The following TAFA4 variants were observed in gnomAD, a reference collection of about 807,000 sequenced individuals.
The protein encoded by TAFA4 is TAFA chemokine like family member 4, also known as chemokine-like protein TAFA-4.
Under a neutral mutation model 21.1 loss-of-function variants are expected in TAFA4, and 20 were observed. That is an observed-to-expected ratio of 0.95 (90% CI 0.67 to 1.38). The LOEUF is 1.38. Among genes scored for constraint, TAFA4 ranks in the 40% most tolerant of loss-of-function variants. The pLI, the probability that TAFA4 is intolerant of heterozygous loss-of-function variation, is 0.00. For synonymous variants in TAFA4, 71 were observed against 67.4 expected, an observed-to-expected ratio of 1.05 and a Z score of -0.26; for missense variants, 211 against 180.9, an observed-to-expected ratio of 1.17 and a Z score of -0.95.
intron 3 of TAFA4, among the ~76,000 whole-genome samples, chr3:68,821,047 A>T (rs1242723724): frequency 6.6e-6 from 1 of 152,250 alleles, no homozygotes; most frequent in Non-Finnish European, 1.5e-5. Context: ...GCATTCTGTA[A>T]ATCATTTTAG....
intron 3 of TAFA4, among the ~76,000 whole-genome samples, chr3:68,874,734 T>C (rs1468679127): frequency 2.6e-5 from 4 of 151,940 alleles, no homozygotes; most frequent in Non-Finnish European, 5.9e-5. Context: ...CACAAGCTCA[T>C]TTGAGGAACT....
chr3:68,880,223 T>A (rs986399641), intron 3 of TAFA4, among the ~76,000 whole-genome samples: 25 of 152,220 alleles, frequency 1.6e-4, no homozygotes, highest in Non-Finnish European at 3.4e-4. Flanking sequence ...TTACAAAAGT[T>A]ACCACAGCTT....
chr3:68,877,506 T>C (rs1232618287), intron 3 of TAFA4, among the ~76,000 whole-genome samples: 1 of 152,152 alleles, frequency 6.6e-6, no homozygotes, highest in East Asian at 1.9e-4. Context: ...TCACAATTCT[T>C]GACATCTAAC....
chr3:68,849,573 A>G (rs1395119591), intron 3 of TAFA4, among the ~76,000 whole-genome samples: 1 of 152,128 alleles, frequency 6.6e-6, no homozygotes, highest in Non-Finnish European at 1.5e-5. Flanking sequence ...GCCATCTTGG[A>G]CCCTTCGGAC....
intron 1 of TAFA4, among the ~76,000 whole-genome samples, chr3:68,907,464 T>C (rs1280001199): frequency 1.3e-5 from 2 of 152,198 alleles, no homozygotes; most frequent in Non-Finnish European, 2.9e-5. Context: ...AAAAGGGCTA[T>C]TTTTGTTATG....
At chr3:68,820,407 G>C (rs375552103) in intron 3 of TAFA4, among the ~76,000 whole-genome samples, 4 of 152,082 alleles carry the variant, frequency 2.6e-5, no homozygotes, top group Non-Finnish European at 4.4e-5. Context: ...GGCTGGGCAC[G>C]GTAGCTGACG....
chr3:68,817,823 A>G (rs1704022950), intron 3 of TAFA4, among the ~76,000 whole-genome samples: 1 of 152,116 alleles, frequency 6.6e-6, no homozygotes, highest in Admixed American at 6.5e-5. Context: ...CCATACTATA[A>G]AGATATGTGC....
chr3:68,865,540 C>A (rs368551828), intron 3 of TAFA4, among the ~76,000 whole-genome samples: 1 of 152,108 alleles, frequency 6.6e-6, no homozygotes, highest in Non-Finnish European at 1.5e-5. Flanking sequence ...TGCCTTTTCT[C>A]CTCCTTTGCC....
intron 3 of TAFA4, among the ~76,000 whole-genome samples, chr3:68,773,318 G>T (rs1224036690): frequency 6.6e-6 from 1 of 152,122 alleles, no homozygotes; most frequent in East Asian, 1.9e-4. Flanking sequence ...ATCAGGCAAG[G>T]TCTGGAAGGG....
chr3:68,815,738 T>C (rs1703959186), intron 3 of TAFA4, among the ~76,000 whole-genome samples: 1 of 152,168 alleles, frequency 6.6e-6, no homozygotes, highest in South Asian at 2.1e-4. Flanking sequence ...AGTTCAACCA[T>C]TGTGGAAGTC....
intron 1 of TAFA4, among the ~76,000 whole-genome samples, chr3:68,901,185 A>C (rs1167633957): frequency 6.6e-6 from 1 of 152,132 alleles, no homozygotes; most frequent in African/African-American, 2.4e-5. Context: ...GATGCACACA[A>C]AACAGAAATA....
chr3:68,778,196 T>A (rs1329127157), intron 3 of TAFA4, among the ~76,000 whole-genome samples: 1 of 152,088 alleles, frequency 6.6e-6, no homozygotes, highest in Non-Finnish European at 1.5e-5. Context: ...AGCAAAAGAA[T>A]GAAAAATATA....
chr3:68,827,739 T>C (rs1440035814), intron 3 of TAFA4, among the ~76,000 whole-genome samples: 1 of 152,212 alleles, frequency 6.6e-6, no homozygotes, highest in Non-Finnish European at 1.5e-5. Flanking sequence ...GGTTGTTTTT[T>C]TCTTTTAAAT....
At chr3:68,812,738 A>G (rs1373637853) in intron 3 of TAFA4, among the ~76,000 whole-genome samples, 2 of 152,144 alleles carry the variant, frequency 1.3e-5, no homozygotes, top group Non-Finnish European at 2.9e-5. Context: ...AGACTTTAAC[A>G]CCCGGCTGTC....
intron 1 of TAFA4, among the ~76,000 whole-genome samples, chr3:68,927,929 T>C (rs1187790242): frequency 6.6e-6 from 1 of 152,000 alleles, no homozygotes; most frequent in Non-Finnish European, 1.5e-5. Context: ...CAATGATATC[T>C]TCCTATTTTT....
intron 3 of TAFA4, among the ~76,000 whole-genome samples, chr3:68,873,449 A>G (rs2089512129): frequency 6.6e-6 from 1 of 151,874 alleles, no homozygotes; most frequent in South Asian, 2.1e-4. Flanking sequence ...CCTGAAAGCA[A>G]CTAACTAGAC....
At chr3:68,838,608 C>T (rs974266345) in intron 3 of TAFA4, among the ~76,000 whole-genome samples, 12 of 152,120 alleles carry the variant, frequency 7.9e-5, no homozygotes, top group South Asian at 2.1e-4. Context: ...TTAGGGTTTG[C>T]GGGCCATGTA....
At chr3:68,906,652 A>C (rs1394714994) in intron 1 of TAFA4, among the ~76,000 whole-genome samples, 1 of 152,106 alleles carries the variant, frequency 6.6e-6, no homozygotes, top group African/African-American at 2.4e-5. Flanking sequence ...CAGAGAGTGG[A>C]CTTTCCAAGG....
At position 68,917,647 on chromosome 3, in the gene TAFA4, G is replaced by A. The variant is rs549082538; in HGVS notation, c.-123+14593C>T. ...CACATTCCTGTAATCCCAGCTACTC[G>A]GGAGGCTGAGGCAGGAGAATCACTT... On this transcript the variant is annotated intron_variant, in intron 1 of 5. Transcript: ENST00000295569. Among the ~76,000 whole-genome samples, 27 of 151,536 alleles carry A rather than the reference G, an allele frequency of 1.8e-4. No individual in the cohort carries two copies. The East Asian group carries it at 2.3e-3, about 13-fold the overall frequency.
Sources: allele counts gnomAD v4.1 joint callset (sites outside exome capture counted in the v4.1 genomes callset), GRCh38; gene constraint gnomAD v4.1.1; transcripts MANE v1.5; gene names NCBI Gene and HGNC (gene_info 2026-07-23, HGNC 2026-07-21).